The following ANKRA2 variants were observed in gnomAD, a reference collection of about 807,000 sequenced individuals.
ANKRA2 encodes ankyrin repeat family A protein 2.
In ANKRA2, 33 loss-of-function variants were observed where a neutral mutation model predicts 37.8. That is an observed-to-expected ratio of 0.87 (90% CI 0.66 to 1.17). The LOEUF (loss-of-function observed/expected upper bound fraction) is 1.17, where lower values mean the gene tolerates loss of function less well. Ranked by LOEUF, ANKRA2 falls within the 50% of genes most tolerant of loss-of-function variation. The probability of loss-of-function intolerance (pLI) is 0.00; values close to 1 mark genes in which losing one functional copy is unlikely to be tolerated. For missense variants in ANKRA2, 326 were observed against 373.7 expected (o/e 0.87, Z 1.05); for synonymous variants, 126 against 132.3 (o/e 0.95, Z 0.33).
chr5:73,563,805 T>C (rs370183926), intron 1 of ANKRA2, among the ~76,000 whole-genome samples: 2 of 152,180 alleles, frequency 1.3e-5, no homozygotes, highest in African/African-American at 4.8e-5. Context: ...AAAATTGGAA[T>C]TGGAATTAAA....
chr5:73,563,724 A>G (rs1464904864), intron 1 of ANKRA2, among the ~76,000 whole-genome samples: 1 of 151,532 alleles, frequency 6.6e-6, no homozygotes, highest in Non-Finnish European at 1.5e-5. Flanking sequence ...GGAAATTAAT[A>G]ACATCCAGTT....
intron 4 of ANKRA2, among the ~76,000 whole-genome samples, chr5:73,556,692 G>C (rs1452231773): frequency 1.3e-5 from 2 of 151,982 alleles, no homozygotes; most frequent in East Asian, 3.8e-4. Flanking sequence ...ATGACAAGCT[G>C]GGGAACAATA....
At chr5:73,560,231 T>TA (rs1400821240) in intron 3 of ANKRA2, among the ~76,000 whole-genome samples, 2 of 152,248 alleles carry the variant, frequency 1.3e-5, no homozygotes, top group Non-Finnish European at 2.9e-5. Context: ...GGTATTTTAA[T>TA]ATATGTTTAC....
At chr5:73,563,806 T>C (rs762645300) in intron 1 of ANKRA2, among the ~76,000 whole-genome samples, 17 of 152,266 alleles carry the variant, frequency 1.1e-4, no homozygotes, top group Middle Eastern at 3.4e-3. Context: ...AAATTGGAAT[T>C]GGAATTAAAA....
chr5:73,562,943 G>C lies in ANKRA2; in HGVS notation c.-62C>G. 2.1e-6 allele frequency: 3 copies of C among 1,454,902 alleles called. No individual in the cohort carries two copies. Among genetic ancestry groups the C allele is most frequent in the Non-Finnish European group, 2.8e-6 (3 of 1,077,292 alleles). 90.1% of individuals were successfully genotyped at this position (1,454,902 alleles called of 1,614,324 possible). On this transcript the variant is annotated 5_prime_UTR_variant, in exon 2 of 9. Transcript: ENST00000296785. ...TCATGATTTCCTCTTGGTTTTGTAA[G>C]AGCAGTATCCAGTGTGTTCTTGGAA... is the stretch of plus-strand genomic sequence containing the variant.
intron 4 of ANKRA2, 155 bp downstream of exon 4, chr5:73,557,411 CTTTTTTTTT>C (rs80067963): frequency 4.1e-3 from 798 of 192,776 alleles, no homozygotes; most frequent in East Asian, 9.8e-3. Flanking sequence ...CTTTATATTC[CTTTTTTTTT>C]TTTTTTTTTT....
At chr5:73,563,224 G>C (rs1243430059) in intron 1 of ANKRA2, among the ~76,000 whole-genome samples, 1 of 152,128 alleles carries the variant, frequency 6.6e-6, no homozygotes, top group South Asian at 2.1e-4. Flanking sequence ...TTATAAAATA[G>C]GGATATCACC....
Position 73,554,857 on chromosome 5 carries a change from T to C in ANKRA2, c.738+4A>G. On this transcript the variant is annotated splice_donor_region_variant and intron_variant, in intron 6 of 8. Transcript: ENST00000296785. ...TCATTTTAAATTTAGTATTACAAAC[T>C]TACCCAATCATATTCATTTACATCA... The C allele has an allele frequency of 6.2e-7, 1 of 1,612,006 alleles. No individual in the cohort carries two copies. Among genetic ancestry groups the C allele is most frequent in the Non-Finnish European group, 8.5e-7 (1 of 1,179,286 alleles).
chr5:73,553,759 T>C (rs1299181752), intron 7 of ANKRA2, among the ~76,000 whole-genome samples: 1 of 150,338 alleles, frequency 6.7e-6, no homozygotes, highest in African/African-American at 2.4e-5. Context: ...AAGAGTACAA[T>C]AGTGAATTCA....
chr5:73,560,867 A>G (rs544354625), intron 3 of ANKRA2, among the ~76,000 whole-genome samples: 59 of 152,302 alleles, frequency 3.9e-4, no homozygotes, highest in African/African-American at 1.4e-3. Context: ...CTACTTTTAC[A>G]GATGTCTCAT....
At chr5:73,561,373 A>C in intron 2 of ANKRA2, 85 bp from the exon 3 acceptor site, 1 of 1,254,712 alleles carries the variant, frequency 8.0e-7, no homozygotes, top group Non-Finnish European at 1.1e-6. Context: ...GAAATACATG[A>C]GGTGTAATAG....
At chr5:73,553,782 C>CT (rs56080001) in intron 7 of ANKRA2, among the ~76,000 whole-genome samples, 26,420 of 126,496 alleles carry the variant, frequency 0.21, 2,639 homozygotes, top group Non-Finnish European at 0.29. Flanking sequence ...TTCTTTTCTT[C>CT]TTTTTTTTTT....
chr5:73,560,280 C>T (rs1747511405), intron 3 of ANKRA2, among the ~76,000 whole-genome samples: 1 of 152,106 alleles, frequency 6.6e-6, no homozygotes, highest in Admixed American at 6.6e-5. Context: ...AATCTATCAC[C>T]TCACATACTT....
In ANKRA2 at chr5:73,555,491, C is replaced by T. The variant is rs1234289720; in HGVS notation, c.609G>A (p.Gln203=). 2 of 1,612,946 alleles carry T rather than the reference C, an allele frequency of 1.2e-6. No individual in the cohort carries two copies. The highest frequency in any genetic ancestry group is 3.3e-5 in the Admixed American group (2 of 59,982). ...GQIAVVEFLL[Q]NGADPQLLGK... ...TTTTCTGAGGCATTTTCCTTACATT[C>T]TGAAGTAGGAACTCTACCACAGCTA... Residue 203 remains glutamine, a synonymous_variant, in exon 5 of 9, where the codon CAG becomes CAA. Coordinates refer to ENST00000296785, the MANE Select transcript of ANKRA2 (RefSeq NM_023039.5).
At chr5:73,560,539 T>G (rs939560131) in intron 3 of ANKRA2, among the ~76,000 whole-genome samples, 2 of 151,988 alleles carry the variant, frequency 1.3e-5, no homozygotes, top group Non-Finnish European at 2.9e-5. Context: ...TTTTGAAATT[T>G]TTTTATTTTT....
At position 73,557,538 on chromosome 5, in the gene ANKRA2, A is replaced by G. The variant is rs1747434368; in HGVS notation, c.514+37T>C. 3.6e-6 allele frequency: 5 copies of G among 1,392,592 alleles called. No homozygotes were observed. The African/African-American group carries it at 5.9e-5, about 16-fold the overall frequency. The allele number at this position is 1,392,592 out of a possible 1,614,324, so 86.3% of individuals were successfully genotyped here. On this transcript the variant is annotated intron_variant, in intron 4 of 8. Coordinates refer to ENST00000296785, the MANE Select transcript of ANKRA2 (RefSeq NM_023039.5). ...AACAATAACAAATCTAATAAATCCT[A>G]TTGAATTTGTTTAAATATTTTTAAA...
chr5:73,553,554 A>C, intron 7 of ANKRA2, 68 bp from the exon 8 acceptor site: 30 of 1,299,040 alleles, frequency 2.3e-5, no homozygotes, highest in Non-Finnish European at 3.2e-5. Flanking sequence ...TTATTGGCTC[A>C]TGTACAAATA....
At chr5:73,554,276 A>G in intron 7 of ANKRA2, 46 bp downstream of exon 7, 1 of 1,546,186 alleles carries the variant, frequency 6.5e-7, no homozygotes, top group Non-Finnish European at 8.9e-7. Context: ...TCGAAAAAAT[A>G]AAATCAAGTC....
Position 73,561,200 on chromosome 5 carries a change from TA to T in ANKRA2, c.377del (p.Ile126LysfsTer7), listed in dbSNP as rs766540526. On this transcript the variant is annotated frameshift_variant, in exon 3 of 9. Transcript: ENST00000296785. LOFTEE classifies it high-confidence loss of function. Reference protein sequence around the residue: ...TPSTTKHFSPIKQSTTLTNKH... With the variant: ...TPSTTKHFSPXKQSTTLTNKH... The stretch of plus-strand genomic sequence containing the variant: ...TGTTGGTTAAAGTGGTTGACTGTTT[TA>T]TGGGTGAGAAATGCTTTGTTGTAGA... 2.5e-6 allele frequency: 4 copies of T among 1,613,950 alleles called. No individual in the cohort carries two copies. Among genetic ancestry groups the T allele is most frequent in the Non-Finnish European group, 3.4e-6 (4 of 1,179,844 alleles).
Sources: gnomAD v4.1 joint callset for allele counts (sites outside exome capture counted in the v4.1 genomes callset) on GRCh38, gnomAD v4.1.1 for gene constraint, MANE v1.5 for transcripts, NCBI Gene and HGNC (gene_info 2026-07-23, HGNC 2026-07-21) for gene names.